PRSS23: variants seen among roughly 807,000 people sequenced by gnomAD.
PRSS23 encodes the protein protease, serine 23.
PRSS23 carries 25 observed loss-of-function variants against 34.7 expected under a neutral mutation model. The observed-to-expected ratio is 0.72, with a 90% CI of 0.53 to 1.01. The LOEUF is 1.01. PRSS23 is among the 50% of genes least tolerant of loss of function. PRSS23 has a pLI of 0.00. For synonymous variants in PRSS23, 176 were observed against 186.6 expected (o/e 0.94, Z 0.46); for missense variants, 445 against 475.6 (o/e 0.94, Z 0.60).
upstream of PRSS23, among the ~76,000 whole-genome samples, chr11:86,796,620 G>C (rs1380463131): frequency 2.8e-3 from 377 of 133,416 alleles, no homozygotes; most frequent in African/African-American, 0.01. Context: ...CAGCCTGGGC[G>C]ACAGAGCGAG....
chr11:86,925,262 G>A (rs1159544071), intron 2 of PRSS23, among the ~76,000 whole-genome samples: 1 of 151,856 alleles, frequency 6.6e-6, no homozygotes, highest in African/African-American at 2.4e-5. Context: ...TTACCCAAGT[G>A]AAAACTGCAT....
chr11:86,793,168 G>A (rs1214871802), intron 1 of PRSS23, among the ~76,000 whole-genome samples: 1 of 152,186 alleles, frequency 6.6e-6, no homozygotes, highest in Non-Finnish European at 1.5e-5. Flanking sequence ...GGTCAAATAA[G>A]ATTGGGCACC....
At chr11:86,861,185 CG>C (rs1315242456) in intron 2 of PRSS23, among the ~76,000 whole-genome samples, 2 of 149,760 alleles carry the variant, frequency 1.3e-5, no homozygotes, top group South Asian at 2.1e-4. Context: ...CCCCATGTCA[CG>C]GGGGGTGTCC....
chr11:86,819,994 C>A (rs191166105), intron 1 of PRSS23, among the ~76,000 whole-genome samples: 7 of 152,246 alleles, frequency 4.6e-5, no homozygotes, highest in African/African-American at 1.4e-4. Flanking sequence ...ATCAGTCTTA[C>A]CACAATGAAT....
intron 1 of PRSS23, among the ~76,000 whole-genome samples, chr11:86,820,825 G>T (rs1948246518): frequency 6.6e-6 from 1 of 151,928 alleles, no homozygotes; most frequent in South Asian, 2.1e-4. Flanking sequence ...TTTATAGATG[G>T]GTATGTTTGA....
At chr11:86,883,005 T>A (rs1196836346) in intron 2 of PRSS23, among the ~76,000 whole-genome samples, 2 of 152,262 alleles carry the variant, frequency 1.3e-5, no homozygotes, top group African/African-American at 4.8e-5. Context: ...TATCTTCTTT[T>A]AGGAAGTATC....
chr11:86,832,514 A>C (rs1948366536), intron 2 of PRSS23: 1 of 281,750 alleles, frequency 3.5e-6, no homozygotes, highest in African/African-American at 2.2e-5. Context: ...ACAGATAATA[A>C]AATAATGAGA....
chr11:86,950,327 G>C (rs1339653344), intron 2 of PRSS23: 2 of 152,658 alleles, frequency 1.3e-5, no homozygotes, highest in Non-Finnish European at 2.9e-5. Flanking sequence ...GTCAGAAAGT[G>C]AATCACCCTT....
chr11:86,809,447 A>C lies in PRSS23; in HGVS notation c.*652A>C, dbSNP rs546405526. 1 of 167,214 alleles carries C rather than the reference A, an allele frequency of 6.0e-6. No homozygotes were observed. Among genetic ancestry groups the C allele is most frequent in the East Asian group, 1.9e-4 (1 of 5,198 alleles). The allele number at this position is 167,214 out of a possible 1,614,324, so 10.4% of individuals were successfully genotyped here. A position where few individuals can be genotyped will look rare whatever the true frequency, so the allele number is the denominator to read the frequency against. On this transcript the variant is annotated 3_prime_UTR_variant, in exon 2 of 2. Transcript: ENST00000280258. ...AGTATCCCAAGCTGCTTTTAGTTCC[A>C]AAAATAGTTTCTTTTCCAAAGGTTG...
chr11:86,928,722 C>A (rs1231437776), intron 2 of PRSS23, among the ~76,000 whole-genome samples: 3 of 95,454 alleles, frequency 3.1e-5, no homozygotes, highest in African/African-American at 7.8e-5. Flanking sequence ...AAGACATATA[C>A]AGCATATAAT....
At chr11:86,907,948 G>C (rs1180344351) in intron 2 of PRSS23, among the ~76,000 whole-genome samples, 1 of 152,168 alleles carries the variant, frequency 6.6e-6, no homozygotes, top group Non-Finnish European at 1.5e-5. Context: ...GACTATTTCA[G>C]ATTCCTCGTC....
rs557344963 is a variant in PRSS23 at position 86,825,331 on chromosome 11, G to C, written c.206+1738G>C. Among the ~76,000 whole-genome samples the C allele has an allele frequency of 9.1e-3, 1,376 of 151,968 alleles. 14 individuals are homozygous for C. Among genetic ancestry groups the C allele is most frequent in the African/African-American group, 0.032 (1,332 of 41,472 alleles). On this transcript the variant is annotated intron_variant, in intron 2 of 2. Transcript: ENST00000533902. ...GGCCCACTTTTTGATGGGGTTGTTTGTTTTTTTCTTGTAAATTTGTTTGAG... is the reference window on the plus strand; with the variant it reads ...GGCCCACTTTTTGATGGGGTTGTTTCTTTTTTTCTTGTAAATTTGTTTGAG...
exon 3 of PRSS23, chr11:86,952,748 C>CTGCAACATCAAAAAACCAATGATTTTG: frequency 3.4e-6 from 1 of 297,778 alleles, no homozygotes; most frequent in Admixed American, 4.6e-5. Context: ...TTGCATAAGC[C>CTGCAACATCAAAAAACCAATGATTTTG]CTCTTTGCAC....
At chr11:86,803,095 C>T (rs1948058791) in intron 1 of PRSS23, among the ~76,000 whole-genome samples, 1 of 152,158 alleles carries the variant, frequency 6.6e-6, no homozygotes, top group African/African-American at 2.4e-5. Context: ...AAATGATGCA[C>T]GGAAACACTT....
Position 86,842,636 on chromosome 11 carries a change from T to TAGAC in PRSS23, c.206+19046_206+19047insCAGA, listed in dbSNP as rs544310040. 9.5e-4 allele frequency among the ~76,000 whole-genome samples: 143 copies of TAGAC among 150,636 alleles called. 1 individual carries two copies. The highest frequency in any genetic ancestry group is 3.3e-3 in the African/African-American group (135 of 41,280). On this transcript the variant is annotated intron_variant, in intron 2 of 2. Coordinates refer to the PRSS23 transcript ENST00000533902. Reference sequence around the variant, plus strand: ...GACAAGCATTCCTATACACCAATAATAGAGAGCTAAATCATAAGTGAACTC... The same window carrying TAGAC: ...GACAAGCATTCCTATACACCAATAATAGACAGAGAGCTAAATCATAAGTGAACTC...
At chr11:86,834,726 C>A (rs1948391156) in intron 2 of PRSS23, among the ~76,000 whole-genome samples, 1 of 152,028 alleles carries the variant, frequency 6.6e-6, no homozygotes, top group African/African-American at 2.4e-5. Flanking sequence ...TTAGGAATTC[C>A]CTTTCTCTCC....
At chr11:86,918,124 T>C (rs1949025612) in intron 2 of PRSS23, among the ~76,000 whole-genome samples, 1 of 152,204 alleles carries the variant, frequency 6.6e-6, no homozygotes, top group South Asian at 2.1e-4. Flanking sequence ...CTCTTTTTGC[T>C]GAAAATAAAA....
chr11:86,846,434 G>T (rs1948487030), intron 2 of PRSS23, among the ~76,000 whole-genome samples: 1 of 152,158 alleles, frequency 6.6e-6, no homozygotes, highest in Admixed American at 6.5e-5. Context: ...TCTGGAAAAG[G>T]TTCTCTAACA....
intron 2 of PRSS23, among the ~76,000 whole-genome samples, chr11:86,828,459 CTG>C (rs1288782707): frequency 6.6e-6 from 1 of 152,108 alleles, no homozygotes; most frequent in African/African-American, 2.4e-5. Flanking sequence ...ATTTGCCAGT[CTG>C]TGTCTTTTAA....
Sources: allele counts gnomAD v4.1 joint callset (sites outside exome capture counted in the v4.1 genomes callset), GRCh38; gene constraint gnomAD v4.1.1; transcripts MANE v1.5; gene names NCBI Gene and HGNC (gene_info 2026-07-23, HGNC 2026-07-21).